COL14A1: variants seen among roughly 807,000 people sequenced by gnomAD.
COL14A1 encodes the protein collagen type XIV alpha 1 chain.
In COL14A1, 136 loss-of-function variants were observed where a neutral mutation model predicts 230.3. The ratio of observed to expected loss-of-function variants is 0.59; its 90% CI spans 0.51 to 0.68. COL14A1 has a LOEUF of 0.68. Among genes scored for constraint, COL14A1 ranks in the 30% least tolerant of loss-of-function variants. COL14A1 has a pLI of 0.00. For synonymous variants in COL14A1, 792 were observed against 784.1 expected (o/e 1.01, Z -0.17); for missense variants, 1,976 against 2,215.8 (o/e 0.89, Z 2.17).
intron 2 of COL14A1, among the ~76,000 whole-genome samples, chr8:120,156,154 A>G (rs180956117): frequency 7.0e-6 from 1 of 143,194 alleles, no homozygotes; most frequent in Non-Finnish European, 1.5e-5. Context: ...TCATTCATCT[A>G]GCTCAATGAA....
chr8:120,299,423 T>G (rs563486300), intron 35 of COL14A1, among the ~76,000 whole-genome samples: 1 of 152,228 alleles, frequency 6.6e-6, no homozygotes, highest in East Asian at 1.9e-4. Context: ...GATGGGAAAC[T>G]GGCAGGAGAA....
rs1822469110 is a variant in COL14A1, at chr8:120,345,444, A to G, written c.4958A>G (p.Gln1653Arg). 6.2e-7 allele frequency: 1 copy of G among 1,603,826 alleles called. No homozygotes were observed. Among genetic ancestry groups the G allele is most frequent in the Non-Finnish European group, 8.5e-7 (1 of 1,175,314 alleles). ...CACTCCTCATCCATCCGGACTGTCC[A>G]AGGGCCTCCTGGGGAGCCTGGGAGG... ...PSHSSSIRTV[Q>R]GPPGEPGRPG... The change falls in exon 45 of 48, where the codon CAA becomes CGA. Residue 1653 changes from glutamine (Q) to arginine (R), a missense_variant. Around this residue, in one of 3 missense-constraint regions of COL14A1, gnomAD observed 1,791 missense variants for 2,019.5 expected, o/e 0.89. Transcript: ENST00000297848.
chr8:120,332,130 C>G lies in COL14A1; in HGVS notation c.4660-11C>G. The G allele has an allele frequency of 4.3e-6, 7 of 1,614,034 alleles. No homozygotes were observed. In the South Asian group the frequency reaches 6.6e-5, roughly 15 times the overall value. ...AACCACTTGCTGACATGCTGTGTTT[C>G]TTTTCGCCAGGGCCTTCCGGGAAAG... On this transcript the variant is annotated splice_polypyrimidine_tract_variant and intron_variant, in intron 40 of 47. Transcript: ENST00000297848.
chr8:120,302,561 C>T (rs955762236), intron 36 of COL14A1, among the ~76,000 whole-genome samples: 1 of 151,844 alleles, frequency 6.6e-6, no homozygotes, highest in African/African-American at 2.4e-5. Context: ...GGTATGTTGT[C>T]TTTTTTCTGG....
intron 40 of COL14A1, among the ~76,000 whole-genome samples, chr8:120,324,909 G>A (rs759889216): frequency 1.3e-5 from 2 of 151,782 alleles, no homozygotes; most frequent in Non-Finnish European, 2.9e-5. Context: ...GAGACCATAG[G>A]CACAGCACCT....
chr8:120,340,175 A>C (rs1160129481), intron 42 of COL14A1, among the ~76,000 whole-genome samples: 1 of 151,404 alleles, frequency 6.6e-6, no homozygotes. Context: ...AGAGGAGAGA[A>C]GATAGAGCCA....
At chr8:120,195,203 A>T (rs1486405599) in intron 5 of COL14A1, among the ~76,000 whole-genome samples, 1 of 152,198 alleles carries the variant, frequency 6.6e-6, no homozygotes. Flanking sequence ...AGGCGCAGAG[A>T]CACGTATATT....
chr8:120,252,672 G>GA (rs901935403), intron 22 of COL14A1, among the ~76,000 whole-genome samples: 18 of 152,232 alleles, frequency 1.2e-4, no homozygotes, highest in African/African-American at 4.3e-4. Flanking sequence ...GGATTACAGA[G>GA]AAAAAATGTA....
intron 5 of COL14A1, among the ~76,000 whole-genome samples, chr8:120,190,514 C>A (rs1399514620): frequency 6.6e-6 from 1 of 152,026 alleles, no homozygotes; most frequent in African/African-American, 2.4e-5. Context: ...TCAATTTTGG[C>A]TTTTGTTGCC....
In COL14A1 at chr8:120,196,802, G is replaced by A. The variant is rs61729463; in HGVS notation, c.448G>A (p.Val150Ile). ...TTTGTGCTTTGCAGAAGTGAAATTT[G>A]TCTGTCAAACTCCAGCAATTGCTGA... The part of the protein sequence containing the change: ...RPSSPEEVKF[V>I]CQTPAIADIV... Residue 150 changes from valine to isoleucine, a missense_variant, in exon 6 of 48, where the codon GTC becomes ATC. Coordinates refer to ENST00000297848, the MANE Select transcript of COL14A1 (RefSeq NM_021110.4). 1.2e-6 allele frequency: 2 copies of A among 1,613,374 alleles called. No homozygotes were observed. Among genetic ancestry groups the A allele is most frequent in the African/African-American group, 1.3e-5 (1 of 74,880 alleles).
At chr8:120,203,177 T>C (rs1817312245) in intron 8 of COL14A1, among the ~76,000 whole-genome samples, 1 of 151,952 alleles carries the variant, frequency 6.6e-6, no homozygotes. Flanking sequence ...CCTGTTATGA[T>C]GTATTGAGTA....
chr8:120,168,184 G>T lies in COL14A1; in HGVS notation c.373G>T (p.Asp125Tyr). 1.9e-6 allele frequency: 3 copies of T among 1,612,138 alleles called. No homozygotes were observed. Among genetic ancestry groups the T allele is most frequent in the Middle Eastern group, 1.7e-4 (1 of 6,044 alleles). ...FRIKDLEKRK[D>Y]PKPRVKVVDR... is the part of the protein sequence containing the mutation. ...AGTTAAAGATTTAGAAAAAAGAAAG[G>T]ATCCAAAGCCCAGAGTCAAAGTTGT... The change falls in exon 5 of 48, where the codon GAT (aspartate) becomes TAT (tyrosine). Residue 125 changes from aspartate to tyrosine, a missense_variant. Around this residue, in one of 3 missense-constraint regions of COL14A1, gnomAD observed 181 missense variants for 178.6 expected, o/e 1.01. Coordinates refer to ENST00000297848, the MANE Select transcript of COL14A1 (RefSeq NM_021110.4).
chr8:120,243,806 A>T (rs1385339240), intron 19 of COL14A1, 73 bp from the exon 20 acceptor site: 14 of 1,518,046 alleles, frequency 9.2e-6, no homozygotes, highest in Non-Finnish European at 1.1e-5. Flanking sequence ...CAAAATGCAT[A>T]AAGTTATGCT....
chr8:120,244,190 T>C (rs1265675248), intron 20 of COL14A1, among the ~76,000 whole-genome samples, 182 bp downstream of exon 20: 1 of 152,182 alleles, frequency 6.6e-6, no homozygotes, highest in Non-Finnish European at 1.5e-5. Context: ...GCAAATTGCT[T>C]AAATGTTCTG....
intron 36 of COL14A1, among the ~76,000 whole-genome samples, chr8:120,309,137 G>A (rs1290779176): frequency 7.2e-5 from 11 of 152,046 alleles, no homozygotes; most frequent in East Asian, 5.8e-4. Flanking sequence ...GTGTTTCACC[G>A]TGTTAGCCAG....
At chr8:120,273,805 CAAA>C (rs113673542) in intron 26 of COL14A1, among the ~76,000 whole-genome samples, 2 of 140,110 alleles carry the variant, frequency 1.4e-5, no homozygotes, top group African/African-American at 5.2e-5. Context: ...AACAGTTTTC[CAAA>C]AAAAAAAAAA....
chr8:120,129,682 C>A (rs1041801655), intron 1 of COL14A1, among the ~76,000 whole-genome samples: 1 of 152,140 alleles, frequency 6.6e-6, no homozygotes, highest in Non-Finnish European at 1.5e-5. Context: ...GAGAAGAAAA[C>A]AGTTCTGTTT....
At chr8:120,327,912 G>A (rs1279301115) in intron 40 of COL14A1, among the ~76,000 whole-genome samples, 2 of 151,892 alleles carry the variant, frequency 1.3e-5, no homozygotes, top group Non-Finnish European at 2.9e-5. Flanking sequence ...TTACAGGCAT[G>A]AGCCACCACG....
chr8:120,320,989 A>G (rs1412564976), intron 40 of COL14A1, among the ~76,000 whole-genome samples: 1 of 152,240 alleles, frequency 6.6e-6, no homozygotes, highest in Non-Finnish European at 1.5e-5. Context: ...CCACACAGCT[A>G]GTAAGTGTTA....
Sources: allele counts gnomAD v4.1 joint callset (sites outside exome capture counted in the v4.1 genomes callset), GRCh38; gene constraint gnomAD v4.1.1; regional missense constraint gnomAD v4.1.1; transcripts MANE v1.5; gene names NCBI Gene and HGNC (gene_info 2026-07-23, HGNC 2026-07-21).